The following ZFAND6 variants were observed in gnomAD, a reference collection of about 807,000 sequenced individuals.
The protein encoded by ZFAND6 is zinc finger AN1-type containing 6, also known as AN1-type zinc finger protein 6.
ZFAND6 carries 12 observed loss-of-function variants against 24.5 expected under a neutral mutation model. The observed-to-expected ratio is 0.49, with a 90% CI of 0.31 to 0.79. The LOEUF is 0.79. Among genes scored for constraint, ZFAND6 ranks in the 30% least tolerant of loss-of-function variants. ZFAND6 has a pLI of 0.04. For synonymous variants in ZFAND6, 92 were observed against 81.5 expected (o/e 1.13, Z -0.69); for missense variants, 207 against 245.9 (o/e 0.84, Z 1.06).
intron 2 of ZFAND6, among the ~76,000 whole-genome samples, chr15:80,119,380 C>T (rs1489274852): frequency 6.6e-6 from 1 of 152,100 alleles, no homozygotes; most frequent in Non-Finnish European, 1.5e-5. Context: ...CAGGGAAAAA[C>T]ACTAGCTTCA....
intron 5 of ZFAND6, among the ~76,000 whole-genome samples, chr15:80,127,860 A>C (rs1237365448): frequency 6.6e-6 from 1 of 152,212 alleles, no homozygotes; most frequent in Non-Finnish European, 1.5e-5. Context: ...GGAGAATTGA[A>C]AACATACGTC....
chr15:80,102,611 G>A (rs1280759630), intron 2 of ZFAND6, among the ~76,000 whole-genome samples: 1 of 152,146 alleles, frequency 6.6e-6, no homozygotes. Context: ...CAATGTTATG[G>A]GTGGCACATT....
chr15:80,114,409 C>T (rs2039767027), intron 2 of ZFAND6, among the ~76,000 whole-genome samples: 1 of 152,174 alleles, frequency 6.6e-6, no homozygotes, highest in South Asian at 2.1e-4. Context: ...AGGTTGAGTA[C>T]TCCTCTCTGG....
chr15:80,135,466 G>A (rs1236640911), intron 6 of ZFAND6, among the ~76,000 whole-genome samples: 1 of 152,224 alleles, frequency 6.6e-6, no homozygotes, highest in Non-Finnish European at 1.5e-5. Flanking sequence ...TGCAGCTATA[G>A]ATAGTCAAAA....
chr15:80,066,329 A>C (rs1461519138), intron 1 of ZFAND6, among the ~76,000 whole-genome samples: 3 of 151,812 alleles, frequency 2.0e-5, no homozygotes, highest in Non-Finnish European at 4.4e-5. Context: ...TAAAAAAAAA[A>C]AAAAACGGAG....
intron 5 of ZFAND6, chr15:80,130,979 A>G (rs2040574413): frequency 7.1e-6 from 3 of 423,520 alleles, no homozygotes; most frequent in Non-Finnish European, 1.3e-5. Context: ...TACATATTCT[A>G]GATTATTTTC....
intron 1 of ZFAND6, among the ~76,000 whole-genome samples, chr15:80,068,573 T>C (rs1023737670): frequency 3.3e-5 from 5 of 152,196 alleles, no homozygotes; most frequent in Non-Finnish European, 5.9e-5. Context: ...GGTTTCGCCA[T>C]ATTGGCCAGG....
At chr15:80,107,543 G>A (rs756679607) in intron 2 of ZFAND6, among the ~76,000 whole-genome samples, 5 of 152,066 alleles carry the variant, frequency 3.3e-5, no homozygotes, top group Non-Finnish European at 7.4e-5. Context: ...TGAAAATAGG[G>A]GCTGGGCGCA....
chr15:80,098,616 G>A (rs1477464578), intron 2 of ZFAND6, 38 bp downstream of exon 2: 2 of 152,064 alleles, frequency 1.3e-5, no homozygotes, highest in African/African-American at 4.8e-5. Flanking sequence ...TATGTAATTG[G>A]GCATAGTAAC....
At chr15:80,129,383 C>T (rs1334285901) in intron 5 of ZFAND6, among the ~76,000 whole-genome samples, 2 of 152,168 alleles carry the variant, frequency 1.3e-5, no homozygotes, top group Non-Finnish European at 2.9e-5. Context: ...TGCCTTTTGT[C>T]ATCTTTTGTT....
At chr15:80,096,446 A>G (rs1371493738) in intron 1 of ZFAND6, among the ~76,000 whole-genome samples, 5 of 152,236 alleles carry the variant, frequency 3.3e-5, no homozygotes, top group African/African-American at 1.2e-4. Flanking sequence ...TACCTTTCAT[A>G]TAACTCTTAT....
At chr15:80,136,220 A>C (rs2040855507) in intron 6 of ZFAND6, among the ~76,000 whole-genome samples, 1 of 152,128 alleles carries the variant, frequency 6.6e-6, no homozygotes, top group African/African-American at 2.4e-5. Flanking sequence ...TAGTCCCAGC[A>C]CTTCGGGAGG....
At chr15:80,118,694 G>C (rs1046193347) in intron 2 of ZFAND6, among the ~76,000 whole-genome samples, 6 of 152,078 alleles carry the variant, frequency 3.9e-5, no homozygotes, top group Admixed American at 2.6e-4. Flanking sequence ...GAATAAGAAA[G>C]ATGCTTGCCA....
At chr15:80,086,569 A>G (rs1182616667) in intron 1 of ZFAND6, among the ~76,000 whole-genome samples, 1 of 152,224 alleles carries the variant, frequency 6.6e-6, no homozygotes, top group East Asian at 1.9e-4. Context: ...TTGACATTTC[A>G]TATAAATGGA....
chr15:80,092,348 A>G (rs1174346255), intron 1 of ZFAND6, among the ~76,000 whole-genome samples: 3 of 147,658 alleles, frequency 2.0e-5, no homozygotes, highest in South Asian at 4.3e-4. Context: ...AAAAAAAAGG[A>G]TTGCTTGAGG....
intron 1 of ZFAND6, among the ~76,000 whole-genome samples, chr15:80,085,443 T>C (rs1329656708): frequency 6.6e-6 from 1 of 152,224 alleles, no homozygotes; most frequent in Non-Finnish European, 1.5e-5. Context: ...CCTATGACCT[T>C]TGTCTCCAGA....
intron 1 of ZFAND6, among the ~76,000 whole-genome samples, chr15:80,088,527 C>T (rs1357393235): frequency 6.6e-6 from 1 of 152,152 alleles, no homozygotes; most frequent in African/African-American, 2.4e-5. Context: ...GATTGTGCCA[C>T]TGCACTCCAG....
chr15:80,097,292 G>A (rs990733159), intron 1 of ZFAND6, among the ~76,000 whole-genome samples: 11 of 152,012 alleles, frequency 7.2e-5, no homozygotes, highest in South Asian at 2.1e-4. Context: ...GAGCCACTGC[G>A]TCCGGCATGT....
intron 2 of ZFAND6, among the ~76,000 whole-genome samples, chr15:80,115,316 C>T (rs1326145944): frequency 1.3e-5 from 2 of 152,134 alleles, no homozygotes; most frequent in Admixed American, 6.5e-5. Flanking sequence ...TATGAATTCT[C>T]TTCAATTCAT....
Sources: gnomAD v4.1 joint callset for allele counts (sites outside exome capture counted in the v4.1 genomes callset) on GRCh38, gnomAD v4.1.1 for gene constraint, MANE v1.5 for transcripts, NCBI Gene and HGNC (gene_info 2026-07-23, HGNC 2026-07-21) for gene names.